Variants in COPG2 observed in about 807,000 individuals in gnomAD.
The protein encoded by COPG2 is coatomer subunit gamma-2.
Under a neutral mutation model 46.3 loss-of-function variants are expected in COPG2, and 37 were observed. The observed-to-expected ratio is 0.80, with a 90% CI of 0.61 to 1.05. The LOEUF (loss-of-function observed/expected upper bound fraction) is 1.05. Ranked by LOEUF, COPG2 falls within the 50% of genes least tolerant of loss-of-function variation. COPG2 has a pLI of 0.00. For synonymous variants in COPG2, 159 were observed against 129.7 expected (o/e 1.23, Z -1.53); for missense variants, 427 against 387.8 (o/e 1.10, Z -0.85).
At chr7:130,553,240 G>A (rs1368453327) in intron 14 of COPG2, among the ~76,000 whole-genome samples, 2 of 152,094 alleles carry the variant, frequency 1.3e-5, no homozygotes, top group Non-Finnish European at 2.9e-5. Context: ...GGAGAGACTG[G>A]CAATAAAACA....
At position 130,624,350 on chromosome 7, in the gene COPG2, G is replaced by T. The variant is rs557947527; in HGVS notation, c.324-7285C>A. ...TGAGTGTTTAATCTTTTTGGTTGTTGTTGTAAATGGGGTTCTATCTACTAT... is the reference window on the plus strand; with the variant it reads ...TGAGTGTTTAATCTTTTTGGTTGTTTTTGTAAATGGGGTTCTATCTACTAT... On this transcript the variant is annotated intron_variant, in intron 5 of 23. Transcript: ENST00000425248. 5.9e-5 allele frequency among the ~76,000 whole-genome samples: 9 copies of T among 152,234 alleles called. No homozygotes were observed. In the South Asian group the frequency reaches 1.9e-3, roughly 32 times the overall value.
At chr7:130,512,779 G>C (rs1328925107) in intron 20 of COPG2, among the ~76,000 whole-genome samples, 1 of 152,104 alleles carries the variant, frequency 6.6e-6, no homozygotes, top group African/African-American at 2.4e-5. Context: ...GCAAGTGAAA[G>C]GATGACTGAC....
At chr7:130,520,965 T>A (rs2116346166) in intron 20 of COPG2, among the ~76,000 whole-genome samples, 1 of 152,314 alleles carries the variant, frequency 6.6e-6, no homozygotes, top group East Asian at 1.9e-4. Context: ...TTTAAAATGG[T>A]GTATATTATG....
In COPG2 at chr7:130,509,486, T is replaced by G. The variant is rs571523527; in HGVS notation, c.2150-827A>C. ...ATTAGATATTGGGAGAGTTAAAAAG[T>G]TATTTGGGGGATAGGCAAGGAGAGG... On this transcript the variant is annotated intron_variant, in intron 20 of 23. Coordinates refer to ENST00000425248, the MANE Select transcript of COPG2 (RefSeq NM_012133.6). 2.5e-4 allele frequency among the ~76,000 whole-genome samples: 38 copies of G among 152,188 alleles called. No individual in the cohort carries two copies. The South Asian group carries it at 7.1e-3, about 28-fold the overall frequency.
chr7:130,617,911 G>A (rs549796260), intron 5 of COPG2, among the ~76,000 whole-genome samples: 32 of 151,874 alleles, frequency 2.1e-4, no homozygotes, highest in African/African-American at 7.2e-4. Flanking sequence ...GACCAGCCTG[G>A]GAAACATGAC....
intron 11 of COPG2, among the ~76,000 whole-genome samples, chr7:130,562,448 T>C (rs1297689661): frequency 2.6e-5 from 4 of 152,270 alleles, no homozygotes; most frequent in African/African-American, 9.6e-5. Flanking sequence ...TTTCTTCGAC[T>C]GTTTACACAA....
chr7:130,522,068 G>A (rs1057436831), intron 20 of COPG2, among the ~76,000 whole-genome samples: 13 of 152,150 alleles, frequency 8.5e-5, no homozygotes, highest in African/African-American at 3.1e-4. Context: ...ATTGAAGGGT[G>A]CACATCCACA....
At chr7:130,612,288 A>G (rs1429823332) in intron 7 of COPG2, 50 bp from the exon 8 acceptor site, 1 of 1,169,918 alleles carries the variant, frequency 8.5e-7, no homozygotes, top group East Asian at 2.5e-5. Context: ...GGTCACTAGA[A>G]GCTTAGAAAC....
intron 12 of COPG2, among the ~76,000 whole-genome samples, chr7:130,559,808 A>G (rs1793689052): frequency 1.3e-5 from 2 of 152,202 alleles, no homozygotes; most frequent in East Asian, 3.8e-4. Context: ...ACATGGGTAA[A>G]GTTTGTTTTT....
At chr7:130,653,761 A>G (rs1402188095) in intron 4 of COPG2, among the ~76,000 whole-genome samples, 1 of 152,200 alleles carries the variant, frequency 6.6e-6, no homozygotes, top group Non-Finnish European at 1.5e-5. Flanking sequence ...ACGCAGCTCC[A>G]GAGTCCAAGC....
chr7:130,522,653 G>GTGCGGAAGAAAAGGAAATA (rs1393848488), intron 20 of COPG2, among the ~76,000 whole-genome samples: 7 of 152,020 alleles, frequency 4.6e-5, no homozygotes, highest in African/African-American at 7.3e-5. Context: ...AAAAGGAAAT[G>GTGCGGAAGAAAAGGAAATA]TGCAGAAGAA....
chr7:130,617,067 T>C lies in COPG2; in HGVS notation c.324-2A>G. On this transcript the variant is annotated splice_acceptor_variant, in intron 5 of 23. Coordinates refer to ENST00000425248, the MANE Select transcript of COPG2 (RefSeq NM_012133.6). LOFTEE classifies it high-confidence loss of function. The stretch of plus-strand genomic sequence containing the variant: ...TTTCCAGTCATGTCTTTAGTCAGAC[T>C]AAGAAAAATCAAATTGGTTAACATA... The C allele has an allele frequency of 6.2e-7, 1 of 1,601,588 alleles. No individual in the cohort carries two copies. The highest frequency in any genetic ancestry group is 8.5e-7 in the Non-Finnish European group (1 of 1,170,918).
chr7:130,668,582 G>C, intron 1 of COPG2, 50 bp downstream of exon 1: 1 of 1,477,054 alleles, frequency 6.8e-7, no homozygotes, highest in Non-Finnish European at 9.0e-7. Context: ...GGCGGGCGGG[G>C]GAAGGGGCGT....
chr7:130,663,259 A>G (rs1796012787), intron 3 of COPG2, among the ~76,000 whole-genome samples: 1 of 152,186 alleles, frequency 6.6e-6, no homozygotes, highest in African/African-American at 2.4e-5. Context: ...AGTATCGCAT[A>G]CCATGCTTAA....
intron 9 of COPG2, among the ~76,000 whole-genome samples, chr7:130,608,871 T>C (rs1563058041): frequency 6.6e-6 from 1 of 152,088 alleles, no homozygotes; most frequent in Non-Finnish European, 1.5e-5. Flanking sequence ...TTTGGGTTTG[T>C]TGTTGTTATT....
intron 9 of COPG2, among the ~76,000 whole-genome samples, chr7:130,602,023 G>A (rs1794643261): frequency 6.6e-6 from 1 of 152,190 alleles, no homozygotes; most frequent in African/African-American, 2.4e-5. Flanking sequence ...CCAGATGACT[G>A]CAGGCTAGGC....
At chr7:130,576,263 C>T (rs538120099) in intron 9 of COPG2, among the ~76,000 whole-genome samples, 1 of 152,176 alleles carries the variant, frequency 6.6e-6, no homozygotes, top group Non-Finnish European at 1.5e-5. Flanking sequence ...CCACTGAATA[C>T]ACATTCTATT....
intron 9 of COPG2, among the ~76,000 whole-genome samples, chr7:130,583,423 C>A (rs1794195168): frequency 6.9e-6 from 1 of 144,832 alleles, no homozygotes; most frequent in Admixed American, 7.1e-5. Flanking sequence ...GTGCAGTGCA[C>A]CAGCATGGCA....
intron 5 of COPG2, among the ~76,000 whole-genome samples, chr7:130,623,509 ACCCAAT>A (rs1795070615): frequency 6.6e-6 from 1 of 151,968 alleles, no homozygotes; most frequent in Non-Finnish European, 1.5e-5. Flanking sequence ...TCTCCCCTCT[ACCCAAT>A]CCCTCATGGT....
Sources: gnomAD v4.1 joint callset for allele counts (sites outside exome capture counted in the v4.1 genomes callset) on GRCh38, gnomAD v4.1.1 for gene constraint, MANE v1.5 for transcripts, NCBI Gene and HGNC (gene_info 2026-07-23, HGNC 2026-07-21) for gene names.